DDHD2: variants seen among roughly 807,000 people sequenced by gnomAD.
DDHD2 encodes DDHD domain containing 2, also known as triacylglycerol hydrolase DDHD2.
Under a neutral mutation model 91.2 loss-of-function variants are expected in DDHD2, and 62 were observed. The ratio of observed to expected loss-of-function variants is 0.68; its 90% CI spans 0.55 to 0.84. DDHD2 has a LOEUF of 0.84. Ranked by LOEUF, DDHD2 falls within the 40% of genes least tolerant of loss-of-function variation. The pLI, the probability that DDHD2 is intolerant of heterozygous loss-of-function variation, is 0.00. For synonymous variants in DDHD2, 271 were observed against 293.9 expected, an observed-to-expected ratio of 0.92 and a Z score of 0.80; for missense variants, 740 against 846.9, an observed-to-expected ratio of 0.87 and a Z score of 1.57.
intron 15 of DDHD2, 196 bp from the exon 16 acceptor site, chr8:38,253,360 C>CA (rs914275186): frequency 5.4e-6 from 4 of 743,182 alleles, no homozygotes; most frequent in African/African-American, 5.3e-5. Context: ...TGCGCAAAAG[C>CA]AAAAAAGGGG....
chr8:38,233,253 C>T, intron 2 of DDHD2, 39 bp downstream of exon 2: 1 of 1,506,478 alleles, frequency 6.6e-7, no homozygotes, highest in South Asian at 1.2e-5. Flanking sequence ...CAAAGACTCT[C>T]CCCTCTTCAA....
At chr8:38,269,924 T>TA (rs1369979937) in intron 1 of DDHD2, 2 of 152,200 alleles carry the variant, frequency 1.3e-5, no homozygotes, top group Non-Finnish European at 2.9e-5. Flanking sequence ...GCTTAAATAT[T>TA]ACAGGCAACC....
At chr8:38,242,065 G>C in intron 6 of DDHD2, 185 bp from the exon 7 acceptor site, 1 of 534,834 alleles carries the variant, frequency 1.9e-6, no homozygotes, top group East Asian at 3.5e-5. Flanking sequence ...AAAAAAAAAA[G>C]TTATTAAAGA....
chr8:38,266,225 T>TC (rs1807561594), downstream of DDHD2: 1 of 1,613,686 alleles, frequency 6.2e-7, no homozygotes, highest in African/African-American at 1.3e-5. Context: ...GCACAGAACC[T>TC]CCAAGATTTC....
chr8:38,251,565 C>G (rs1333654483), intron 11 of DDHD2: 1 of 191,090 alleles, frequency 5.2e-6, no homozygotes, highest in Non-Finnish European at 1.1e-5. Flanking sequence ...CTATGTACAA[C>G]TTTCATCATT....
At chr8:38,268,552 A>C in intron 1 of DDHD2, 1 of 1,516,652 alleles carries the variant, frequency 6.6e-7, no homozygotes, top group Non-Finnish European at 8.8e-7. Flanking sequence ...AGCAGGACTC[A>C]CTGGAGCTAA....
chr8:38,263,778 C>G (rs1172308392), downstream of DDHD2: 4 of 985,296 alleles, frequency 4.1e-6, no homozygotes, highest in African/African-American at 5.2e-5. Context: ...ATAATGAACT[C>G]TAGCTTCTGA....
downstream of DDHD2, chr8:38,271,770 T>C (rs1176429315): frequency 6.6e-6 from 1 of 152,200 alleles, no homozygotes; most frequent in Non-Finnish European, 1.5e-5. Context: ...CTTTTTCTCA[T>C]ATGGAAGTAT....
rs568490001 is a variant in DDHD2 at position 38,262,770 on chromosome 8, T to C, written c.*2197T>C. On this transcript the variant is annotated 3_prime_UTR_variant, in exon 18 of 18. Coordinates refer to ENST00000397166, the MANE Select transcript of DDHD2 (RefSeq NM_015214.3). ...TAGTAAATACTAACATGAAACCATA[T>C]TGACTAGTGGCCTACTTTTACCTGG... 1 of 152,314 alleles carries C rather than the reference T, an allele frequency of 6.6e-6. No homozygotes were observed. Among genetic ancestry groups the C allele is most frequent in the South Asian group, 2.1e-4 (1 of 4,830 alleles). 9.4% of individuals were successfully genotyped at this position (152,314 alleles called of 1,614,324 possible). A position where few individuals can be genotyped will look rare whatever the true frequency, so the allele number is the denominator to read the frequency against.
At chr8:38,271,657 A>T (rs992317478), downstream of DDHD2, 4 of 152,236 alleles carry the variant, frequency 2.6e-5, no homozygotes, top group Non-Finnish European at 4.4e-5. Flanking sequence ...TCATCAATTC[A>T]TGTCTGCACC....
chr8:38,237,982 G>T, intron 4 of DDHD2, 107 bp from the exon 5 acceptor site: 1 of 1,182,776 alleles, frequency 8.5e-7, no homozygotes, highest in South Asian at 1.7e-5. Context: ...CTCCAGTTCA[G>T]ATTTTACTGT....
chr8:38,245,820 C>G lies in DDHD2; in HGVS notation c.927C>G (p.Phe309Leu), dbSNP rs1805591558. 3 of 1,614,054 alleles carry G rather than the reference C, an allele frequency of 1.9e-6. No individual in the cohort carries two copies. Among genetic ancestry groups the G allele is most frequent in the African/African-American group, 1.3e-5 (1 of 74,916 alleles). ...ATGACACAATTCTGGATGTCTTCTT[C>G]TACAATAGTCCCACCTACTGTCAGA... ...FTNDTILDVF[F>L]YNSPTYCQTI... Residue 309 changes from phenylalanine to leucine, a missense_variant, in exon 8 of 18, where the codon TTC becomes TTG. Phe to Leu is a conservative substitution (Grantham distance 22). Around this residue, in one of 2 missense-constraint regions of DDHD2, gnomAD observed 693 missense variants for 764.2 expected, o/e 0.91. Transcript: ENST00000397166.
intron 16 of DDHD2, among the ~76,000 whole-genome samples, chr8:38,256,651 A>G (rs904021049): frequency 6.6e-6 from 1 of 152,146 alleles, no homozygotes; most frequent in African/African-American, 2.4e-5. Context: ...ATTGCTGAGT[A>G]GTATTCCATT....
intron 16 of DDHD2, chr8:38,255,362 C>T (rs1343064468): frequency 2.0e-6 from 1 of 506,616 alleles, no homozygotes; most frequent in Admixed American, 2.0e-5. Flanking sequence ...AGAATGATCT[C>T]TGGTGATCTG....
intron 16 of DDHD2, among the ~76,000 whole-genome samples, chr8:38,257,238 GTTTTTTTTTTTTTT>G (rs749469533): frequency 9.4e-5 from 6 of 63,804 alleles, no homozygotes; most frequent in Admixed American, 2.6e-4. Context: ...TGGCCAACAA[GTTTTTTTTTTTTTT>G]TTTTTTTTTT....
chr8:38,233,079 AT>A lies in DDHD2; in HGVS notation c.86del (p.Ile29LysfsTer21), dbSNP rs1563294872. The part of the protein sequence containing the change: ...SPNSCSSFEL[I>X]DMDAGSLYEP... Reference sequence around the variant, plus strand: ...AAACTCATGTAGTTCCTTTGAGCTAATAGACATGGATGCTGGCAGCTTGTAT... The same window carrying A: ...AAACTCATGTAGTTCCTTTGAGCTAAAGACATGGATGCTGGCAGCTTGTAT... On this transcript the variant is annotated frameshift_variant, in exon 2 of 18. Transcript: ENST00000397166. LOFTEE classifies it high-confidence loss of function. 6.2e-7 allele frequency: 1 copy of A among 1,614,194 alleles called. No homozygotes were observed. Among genetic ancestry groups the A allele is most frequent in the Admixed American group, 1.7e-5 (1 of 60,016 alleles).
chr8:38,270,962 A>G (rs1808449307), intron 1 of DDHD2: 1 of 152,206 alleles, frequency 6.6e-6, no homozygotes, highest in Admixed American at 6.5e-5. Flanking sequence ...GATTACCCAC[A>G]TTTTGGGAGT....
At position 38,252,641 on chromosome 8, in the gene DDHD2, C is replaced by CA. The variant is rs200837621; in HGVS notation, c.1618-63dup. The CA allele has an allele frequency of 0.088, 63,561 of 718,272 alleles. 3 individuals carry two copies. Among genetic ancestry groups the CA allele is most frequent in the Non-Finnish European group, 0.095 (46,498 of 488,390 alleles). 44.5% of individuals were successfully genotyped at this position (718,272 alleles called of 1,614,324 possible). ...TGGGTGACAGAGCGAGACCTCATCT[C>CA]AAAAAAAAAAAAAAAAAAGTTATAT... On this transcript the variant is annotated intron_variant, in intron 13 of 17. Transcript: ENST00000397166.
chr8:38,270,769 T>C (rs1405949886), intron 1 of DDHD2: 1 of 152,226 alleles, frequency 6.6e-6, no homozygotes, highest in Non-Finnish European at 1.5e-5. Context: ...TAAATGACTT[T>C]GGCATCTATT....
Sources: allele counts gnomAD v4.1 joint callset (sites outside exome capture counted in the v4.1 genomes callset), GRCh38; gene constraint gnomAD v4.1.1; regional missense constraint gnomAD v4.1.1; transcripts MANE v1.5; gene names NCBI Gene and HGNC (gene_info 2026-07-23, HGNC 2026-07-21).